Variants in LTBP4 observed in about 807,000 individuals in gnomAD.
The protein encoded by LTBP4 is latent transforming growth factor beta binding protein 4, also known as latent-transforming growth factor beta-binding protein 4.
LTBP4 carries 93 observed loss-of-function variants against 180.2 expected under a neutral mutation model. That is an observed-to-expected ratio of 0.52 (90% confidence interval 0.44 to 0.61). The LOEUF (loss-of-function observed/expected upper bound fraction) is 0.61, where lower values mean the gene tolerates loss of function less well. Among genes scored for constraint, LTBP4 ranks in the 20% least tolerant of loss-of-function variants. The probability of loss-of-function intolerance (pLI) is 0.00; values close to 1 mark genes in which losing one functional copy is unlikely to be tolerated. For synonymous variants in LTBP4, 947 were observed against 934.5 expected, an observed-to-expected ratio of 1.01 and a Z score of -0.24; for missense variants, 2,116 against 2,256.5, an observed-to-expected ratio of 0.94 and a Z score of 1.26.
intron 19 of LTBP4, among the ~76,000 whole-genome samples, chr19:40,616,280 C>T (rs1001954647): frequency 7.0e-5 from 10 of 142,640 alleles, no homozygotes; most frequent in African/African-American, 2.4e-4. Flanking sequence ...AGCAACAGAG[C>T]AAGACCCCAT....
upstream of LTBP4, chr19:40,601,280 G>T: frequency 2.3e-6 from 2 of 863,704 alleles, no homozygotes; most frequent in Non-Finnish European, 2.8e-6. Flanking sequence ...GAGGAGGGGG[G>T]GCCTGAGCGG....
At position 40,601,949 on chromosome 19, in the gene LTBP4, A is replaced by G. The variant is rs561716052; in HGVS notation, c.250+312A>G. Among the ~76,000 whole-genome samples, 22 of 151,396 alleles carry G rather than the reference A, an allele frequency of 1.5e-4. No homozygotes were observed. The South Asian group carries it at 4.6e-3, about 32-fold the overall frequency. ...ATTGAGGGGCCTGAGAACTTTTGGG[A>G]GGGGGGCTCGAATTCTGAGACGCTG... On this transcript the variant is annotated intron_variant, in intron 1 of 29. Transcript: ENST00000396819.
upstream of LTBP4, chr19:40,599,262 T>C (rs1174548363): frequency 6.2e-6 from 10 of 1,613,694 alleles, no homozygotes; most frequent in Non-Finnish European, 7.6e-6. Context: ...CGAGGTGGGT[T>C]CTGGAAGATG....
At position 40,609,666 on chromosome 19, in the gene LTBP4, G is replaced by A. The variant is rs2081489920; in HGVS notation, c.1558+5G>A. 6.2e-7 allele frequency: 1 copy of A among 1,612,756 alleles called. No individual in the cohort carries two copies. The highest frequency in any genetic ancestry group is 8.5e-7 in the Non-Finnish European group (1 of 1,179,376). On this transcript the variant is annotated splice_donor_5th_base_variant and intron_variant, in intron 10 of 29. Transcript: ENST00000396819. This position sits in a 1 kb window ranked among gnomAD's most constrained non-coding sequence, Gnocchi z 4.9. Reference sequence around the variant, plus strand: ...CCCAGGGCACCCGATGCATTGGTGAGCAAGACGGAGGGCGCGGAAGGAGGC... The same window carrying A: ...CCCAGGGCACCCGATGCATTGGTGAACAAGACGGAGGGCGCGGAAGGAGGC...
Position 40,613,538 on chromosome 19 carries a change from C to A in LTBP4, c.2557+9C>A. On this transcript the variant is annotated intron_variant, in intron 17 of 29. Coordinates refer to ENST00000396819, the MANE Select transcript of LTBP4 (RefSeq NM_001042545.2). The surrounding 1 kb of genome is among the most constrained non-coding windows in gnomAD (Gnocchi z 5.0). Reference sequence around the variant, plus strand: ...CGGAGCCTCTTGCCTCGGTTCGTACCCGGGCTGATCCTGGCCCCGGAAAGG... The same window carrying A: ...CGGAGCCTCTTGCCTCGGTTCGTACACGGGCTGATCCTGGCCCCGGAAAGG... 6.4e-7 allele frequency: 1 copy of A among 1,561,788 alleles called. No homozygotes were observed. Among genetic ancestry groups the A allele is most frequent in the Non-Finnish European group, 8.7e-7 (1 of 1,154,696 alleles).
At position 40,611,135 on chromosome 19, in the gene LTBP4, C is replaced by G; in HGVS notation, c.1811-17C>G. The G allele has an allele frequency of 6.2e-7, 1 of 1,611,318 alleles. No homozygotes were observed. Among genetic ancestry groups the G allele is most frequent in the Non-Finnish European group, 8.5e-7 (1 of 1,177,736 alleles). On this transcript the variant is annotated splice_polypyrimidine_tract_variant and intron_variant, in intron 12 of 29. Transcript: ENST00000396819. This position sits in a 1 kb window ranked among gnomAD's most constrained non-coding sequence, Gnocchi z 4.4. ...GCAGAGGGGAACAAGTGACCCCGGGCCCCCTGCCCTGTGCAGATGTGGATG... is the reference window on the plus strand; with the variant it reads ...GCAGAGGGGAACAAGTGACCCCGGGGCCCCTGCCCTGTGCAGATGTGGATG...
At position 40,614,336 on chromosome 19, in the gene LTBP4, G is replaced by A. The variant is rs776226657; in HGVS notation, c.2702G>A (p.Arg901Gln). ...TCAGACGTGGACGAATGTCGCGAGCGAGGCCCAGCCCTGTGCGGGTCGCAG... is the reference window on the plus strand; with the variant it reads ...TCAGACGTGGACGAATGTCGCGAGCAAGGCCCAGCCCTGTGCGGGTCGCAG... ...SCLDVDECRE[R>Q]GPALCGSQRC... Residue 901 changes from arginine to glutamine, a missense_variant, in exon 19 of 30, where the codon CGA becomes CAA. Physicochemically the swap from Arg to Gln is conservative, Grantham distance 43. This residue lies in a region of LTBP4 where 877 missense variants were observed against 873.6 expected (regional missense o/e 1.00). Coordinates refer to ENST00000396819, the MANE Select transcript of LTBP4 (RefSeq NM_001042545.2). 4 of 1,599,538 alleles carry A rather than the reference G, an allele frequency of 2.5e-6. No individual in the cohort carries two copies. Among genetic ancestry groups the A allele is most frequent in the African/African-American group, 2.7e-5 (2 of 74,844 alleles).
At chr19:40,623,082 T>C in intron 24 of LTBP4, 61 bp downstream of exon 24, 1 of 1,333,310 alleles carries the variant, frequency 7.5e-7, no homozygotes, top group African/African-American at 1.5e-5. Context: ...CGTCTCTTCC[T>C]GTTTTCTTTG....
chr19:40,627,211 G>T lies in LTBP4; in HGVS notation c.4222G>T (p.Asp1408Tyr). ...TGGGGCACCCCGCTTCGACATGCCAGACTTTGAGGACGATGGTGGCCCCTA... is the reference window on the plus strand; with the variant it reads ...TGGGGCACCCCGCTTCGACATGCCATACTTTGAGGACGATGGTGGCCCCTA... The part of the protein sequence containing the change: ...PYGAPRFDMP[D>Y]FEDDGGPYGE... Residue 1408 changes from aspartate (D) to tyrosine (Y), a missense_variant, in exon 28 of 30, where the codon GAC (aspartate) becomes TAC (tyrosine). Asp to Tyr is a radical substitution (Grantham distance 160). Around this residue, in one of 5 missense-constraint regions of LTBP4, gnomAD observed 488 missense variants for 458.8 expected, o/e 1.06. Coordinates refer to ENST00000396819, the MANE Select transcript of LTBP4 (RefSeq NM_001042545.2). 6.2e-7 allele frequency: 1 copy of T among 1,609,304 alleles called. No homozygotes were observed. The highest frequency in any genetic ancestry group is 8.5e-7 in the Non-Finnish European group (1 of 1,178,330).
Position 40,629,309 on chromosome 19 carries a change from C to A in LTBP4, c.4520-87C>A. On this transcript the variant is annotated intron_variant, in intron 29 of 29. Coordinates refer to ENST00000396819, the MANE Select transcript of LTBP4 (RefSeq NM_001042545.2). The surrounding 1 kb of genome is among the most constrained non-coding windows in gnomAD (Gnocchi z 4.5). The stretch of plus-strand genomic sequence containing the variant: ...GACTCCAAACTGCTCAGCATCTGTG[C>A]TCCTCTGTTCCAAGAACTTAAGGGG... 6.4e-7 allele frequency: 1 copy of A among 1,560,702 alleles called. No homozygotes were observed. Among genetic ancestry groups the A allele is most frequent in the Non-Finnish European group, 8.8e-7 (1 of 1,134,384 alleles).
In LTBP4 at chr19:40,611,274, G is replaced by A; in HGVS notation, c.1933G>A (p.Asp645Asn). The change falls in exon 13 of 30, where the codon GAT (aspartate) becomes AAT (asparagine). Residue 645 changes from aspartate to asparagine, a missense_variant. Physicochemically the swap from Asp to Asn is conservative, Grantham distance 23. Transcript: ENST00000396819. This position sits in a 1 kb window ranked among gnomAD's most constrained non-coding sequence, Gnocchi z 4.4. ...GGGCTCGGCGTGTGAAGAGGATGTG[G>A]ATGAGTGTGCCCAGGAGCCGCCGCC... ...FRGSACEEDV[D>N]ECAQEPPPCG... 2.5e-6 allele frequency: 4 copies of A among 1,612,466 alleles called. No homozygotes were observed. The highest frequency in any genetic ancestry group is 3.4e-6 in the Non-Finnish European group (4 of 1,179,374).
intron 28 of LTBP4, 98 bp from the exon 29 acceptor site, chr19:40,627,607 T>C (rs971683093): frequency 2.7e-6 from 4 of 1,477,886 alleles, no homozygotes; most frequent in Admixed American, 2.0e-5. Flanking sequence ...ATGGACAGTT[T>C]ACAGCGAGAA....
Position 40,608,470 on chromosome 19 carries a change from C to T in LTBP4, c.1307-14C>T, listed in dbSNP as rs1568404711. ...GGATTTGGGCTCCACTCGTTGATACCCCTTCTTTATCAGGCTTTCTGCCCA... is the reference window on the plus strand; with the variant it reads ...GGATTTGGGCTCCACTCGTTGATACTCCTTCTTTATCAGGCTTTCTGCCCA... On this transcript the variant is annotated splice_polypyrimidine_tract_variant and intron_variant, in intron 8 of 29. Transcript: ENST00000396819. 6.3e-7 allele frequency: 1 copy of T among 1,597,110 alleles called. No homozygotes were observed. The highest frequency in any genetic ancestry group is 1.1e-5 in the South Asian group (1 of 88,522).
chr19:40,606,195 C>T, intron 4 of LTBP4, 38 bp from the exon 5 acceptor site: 2 of 1,540,526 alleles, frequency 1.3e-6, no homozygotes, highest in East Asian at 2.4e-5. Flanking sequence ...CTCGCTCTGC[C>T]CACCTGTCCC....
At position 40,623,747 on chromosome 19, in the gene LTBP4, T is replaced by TCCCCCAA. The variant is rs1472988899; in HGVS notation, c.3685+21_3685+27dup. 6.2e-7 allele frequency: 1 copy of TCCCCCAA among 1,610,906 alleles called. No individual in the cohort carries two copies. Among genetic ancestry groups the TCCCCCAA allele is most frequent in the African/African-American group, 1.3e-5 (1 of 74,218 alleles). On this transcript the variant is annotated intron_variant, in intron 25 of 29. Coordinates refer to ENST00000396819, the MANE Select transcript of LTBP4 (RefSeq NM_001042545.2). Reference sequence around the variant, plus strand: ...GGAGTGCATCGGTACAAGCCCCACCTCCCCCAACCCCCGGCAACTCTCTCC... The same window carrying TCCCCCAA: ...GGAGTGCATCGGTACAAGCCCCACCTCCCCCAACCCCCAACCCCCGGCAACTCTCTCC...
At chr19:40,617,381 C>T (rs957958260) in intron 21 of LTBP4, among the ~76,000 whole-genome samples, 156 bp downstream of exon 21, 3 of 152,140 alleles carry the variant, frequency 2.0e-5, no homozygotes, top group South Asian at 2.1e-4. Flanking sequence ...CGGTGGCTCA[C>T]GCCTGTAATC....
In LTBP4 at chr19:40,629,217, TGAA is replaced by T; in HGVS notation, c.4520-177_4520-175del. On this transcript the variant is annotated intron_variant, in intron 29 of 29. Coordinates refer to ENST00000396819, the MANE Select transcript of LTBP4 (RefSeq NM_001042545.2). This position sits in a 1 kb window ranked among gnomAD's most constrained non-coding sequence, Gnocchi z 4.5. ...ATATCCATCTTACAGAACACGAAACTGAAGCACAGTGAGGTTAAGCCACCTGGC... is the reference window on the plus strand; with the variant it reads ...ATATCCATCTTACAGAACACGAAACTGCACAGTGAGGTTAAGCCACCTGGC... 1.5e-6 allele frequency: 1 copy of T among 669,118 alleles called. No individual in the cohort carries two copies. The allele number at this position is 669,118 out of a possible 1,614,324, so 41.4% of individuals were successfully genotyped here.
In LTBP4 at chr19:40,605,014, G is replaced by GA. The variant is rs1433391882; in HGVS notation, c.251-21_251-20insA. 3.4e-5 allele frequency: 55 copies of GA among 1,594,224 alleles called. No individual in the cohort carries two copies. Among genetic ancestry groups the GA allele is most frequent in the Admixed American group, 1.7e-4 (10 of 58,514 alleles). ...CTGCCAGGAATGGTGGCGCCCCTGAGTGTCCTCGTTCTCCTCCCAGTCCTG... is the reference window on the plus strand; with the variant it reads ...CTGCCAGGAATGGTGGCGCCCCTGAGATGTCCTCGTTCTCCTCCCAGTCCTG... On this transcript the variant is annotated intron_variant, in intron 1 of 29. Transcript: ENST00000396819. The surrounding 1 kb of genome is among the most constrained non-coding windows in gnomAD (Gnocchi z 5.5).
intron 1 of LTBP4, among the ~76,000 whole-genome samples, chr19:40,604,327 C>A (rs1294147480): frequency 6.6e-6 from 1 of 151,670 alleles, no homozygotes. Context: ...GGAGTGTGGG[C>A]GGGCATAGAA....
Sources: allele counts gnomAD v4.1 joint callset (sites outside exome capture counted in the v4.1 genomes callset), GRCh38; gene constraint gnomAD v4.1.1; regional missense constraint gnomAD v4.1.1; non-coding constraint Gnocchi (gnomAD v3.1); transcripts MANE v1.5; gene names NCBI Gene and HGNC (gene_info 2026-07-23, HGNC 2026-07-21).